Variants in MAEL observed in about 807,000 individuals in gnomAD.
MAEL encodes maelstrom spermatogenic transposon silencer, also known as protein maelstrom homolog.
A neutral mutation model predicts 62.0 loss-of-function variants in MAEL; 46 were observed. That is an observed-to-expected ratio of 0.74 (90% CI 0.59 to 0.95). The LOEUF (loss-of-function observed/expected upper bound fraction) is 0.95. MAEL is among the 40% of genes least tolerant of loss of function. The pLI, the probability that MAEL is intolerant of heterozygous loss-of-function variation, is 0.00. For synonymous variants in MAEL, 172 were observed against 175.5 expected (o/e 0.98, Z 0.16); for missense variants, 497 against 526.8 (o/e 0.94, Z 0.55).
intron 11 of MAEL, 67 bp from the exon 12 acceptor site, chr1:167,021,601 G>A (rs887052900): frequency 6.4e-6 from 7 of 1,088,796 alleles, no homozygotes; most frequent in Middle Eastern, 2.1e-4. Context: ...TCAGTTAATT[G>A]AGGCATCTCT....
At chr1:166,984,801 T>C (rs532183745), upstream of MAEL, among the ~76,000 whole-genome samples, 4 of 152,330 alleles carry the variant, frequency 2.6e-5, no homozygotes, top group East Asian at 5.8e-4. Flanking sequence ...TCTAGAACTC[T>C]CTTCTTTCAA....
chr1:166,980,215 T>G (rs1663719059), intron 1 of MAEL, among the ~76,000 whole-genome samples: 1 of 151,952 alleles, frequency 6.6e-6, no homozygotes, highest in Admixed American at 6.6e-5. Context: ...TTTTAGAGAC[T>G]GCATCTTGCT....
intron 9 of MAEL, 99 bp downstream of exon 9, chr1:167,016,383 T>C: frequency 9.5e-7 from 1 of 1,053,896 alleles, no homozygotes; most frequent in Non-Finnish European, 1.5e-6. Context: ...GGTAACTCTG[T>C]TTCCACAATG....
In MAEL at chr1:166,989,718, C is replaced by T. The variant is rs753036637; in HGVS notation, c.133-19C>T. 5.0e-6 allele frequency: 8 copies of T among 1,609,742 alleles called. No homozygotes were observed. In the Admixed American group the frequency reaches 1.2e-4, roughly 24 times the overall value. On this transcript the variant is annotated intron_variant, in intron 1 of 11. Transcript: ENST00000367872. ...TCCTCACGGCTGTTTCTCTTCTTTG[C>T]TCCTTCAATCCCCAAAAGCTTCTGA...
At chr1:166,984,476 C>A (rs1571234703), upstream of MAEL, among the ~76,000 whole-genome samples, 1 of 152,206 alleles carries the variant, frequency 6.6e-6, no homozygotes, top group South Asian at 2.1e-4. Context: ...TCGATTTAGC[C>A]ATTCCACAAC....
chr1:167,004,980 C>T lies in MAEL; in HGVS notation c.649-96C>T, dbSNP rs981591739. 229 of 1,190,946 alleles carry T rather than the reference C, an allele frequency of 1.9e-4. 3 individuals carry two copies. In the South Asian group the frequency reaches 2.2e-3, roughly 11 times the overall value. The allele number at this position is 1,190,946 out of a possible 1,614,324, so 73.8% of individuals were successfully genotyped here. ...TCTCCTGTGCCCCCTACCTCCCAAC[C>T]CCCACATTTTGAAAGGACAGCATTA... On this transcript the variant is annotated intron_variant, in intron 6 of 11. Transcript: ENST00000367872.
intron 9 of MAEL, 127 bp downstream of exon 9, chr1:167,016,411 G>C: frequency 1.2e-6 from 1 of 803,616 alleles, no homozygotes; most frequent in Non-Finnish European, 2.1e-6. Context: ...AAAACAAAGG[G>C]GGTCAAATCA....
At chr1:167,015,278 A>G (rs1478639703) in intron 8 of MAEL, among the ~76,000 whole-genome samples, 1 of 152,196 alleles carries the variant, frequency 6.6e-6, no homozygotes, top group Non-Finnish European at 1.5e-5. Flanking sequence ...CTAAGGCTTC[A>G]TGTTACAGTT....
chr1:167,004,959 C>T, intron 6 of MAEL, 117 bp from the exon 7 acceptor site: 5 of 856,140 alleles, frequency 5.8e-6, no homozygotes, highest in Admixed American at 2.5e-5. Context: ...AGTCTTTCTC[C>T]TGTGCCCCCT....
intron 1 of MAEL, among the ~76,000 whole-genome samples, chr1:166,980,878 T>C (rs1388978682): frequency 6.6e-6 from 1 of 152,152 alleles, no homozygotes; most frequent in Non-Finnish European, 1.5e-5. Context: ...TGCCTTGGGC[T>C]CTGGGTCTTG....
chr1:166,989,143 C>A (rs185297654), upstream of MAEL: 157 of 667,966 alleles, frequency 2.4e-4, no homozygotes, highest in East Asian at 3.8e-4. Context: ...GCTCTCCCCC[C>A]ACCTCACCCG....
chr1:167,013,920 G>A (rs1330897106), intron 8 of MAEL, among the ~76,000 whole-genome samples: 1 of 152,146 alleles, frequency 6.6e-6, no homozygotes, highest in East Asian at 1.9e-4. Context: ...TTTTCATGGG[G>A]GTTCTGGGAA....
intron 1 of MAEL, among the ~76,000 whole-genome samples, chr1:166,982,517 G>C (rs890140080): frequency 6.6e-6 from 1 of 152,044 alleles, no homozygotes; most frequent in African/African-American, 2.4e-5. Context: ...TAGCACAGGA[G>C]GGAAGATGCA....
At chr1:166,982,831 C>T (rs1225593245) in intron 1 of MAEL, among the ~76,000 whole-genome samples, 1 of 152,178 alleles carries the variant, frequency 6.6e-6, no homozygotes, top group East Asian at 1.9e-4. Flanking sequence ...ATGTGACTTA[C>T]TTTGCTTTTC....
At chr1:167,004,974 C>T in intron 6 of MAEL, 102 bp from the exon 7 acceptor site, 1 of 1,140,392 alleles carries the variant, frequency 8.8e-7, no homozygotes, top group Non-Finnish European at 1.3e-6. Flanking sequence ...CCCCCTACCT[C>T]CCAACCCCCA....
chr1:167,013,384 C>T (rs145287363), intron 8 of MAEL, among the ~76,000 whole-genome samples: 120 of 152,322 alleles, frequency 7.9e-4, no homozygotes, highest in African/African-American at 2.7e-3. Context: ...TTCAAAGTCT[C>T]AGTACCTCTC....
intron 8 of MAEL, among the ~76,000 whole-genome samples, chr1:167,011,816 A>G (rs543835609): frequency 2.0e-5 from 3 of 152,336 alleles, no homozygotes; most frequent in African/African-American, 4.8e-5. Flanking sequence ...AATACCTTCA[A>G]TTGTAAGATG....
At chr1:166,999,177 A>G (rs1025872900) in intron 5 of MAEL, among the ~76,000 whole-genome samples, 10 of 152,214 alleles carry the variant, frequency 6.6e-5, no homozygotes, top group Non-Finnish European at 1.0e-4. Flanking sequence ...GCTAGAAATG[A>G]TTCAGCTTAG....
chr1:166,999,597 A>G (rs1341940658), intron 5 of MAEL, among the ~76,000 whole-genome samples: 1 of 152,256 alleles, frequency 6.6e-6, no homozygotes, highest in Non-Finnish European at 1.5e-5. Context: ...GCAGCAAGTC[A>G]TTCAGAGGAT....
Sources: gnomAD v4.1 joint callset for allele counts (sites outside exome capture counted in the v4.1 genomes callset) on GRCh38, gnomAD v4.1.1 for gene constraint, MANE v1.5 for transcripts, NCBI Gene and HGNC (gene_info 2026-07-23, HGNC 2026-07-21) for gene names.